Variants in GLUD1 observed in about 807,000 individuals in gnomAD.
GLUD1 encodes glutamate dehydrogenase 1, mitochondrial.
In GLUD1, 22 loss-of-function variants were observed where a neutral mutation model predicts 56.0. The observed-to-expected ratio is 0.39, with a 90% CI of 0.28 to 0.56. GLUD1 has a LOEUF of 0.56. Among genes scored for constraint, GLUD1 ranks in the 20% least tolerant of loss-of-function variants. The pLI is 0.58. For synonymous variants in GLUD1, 223 were observed against 269.9 expected, an observed-to-expected ratio of 0.83 and a Z score of 1.70; for missense variants, 451 against 732.0, an observed-to-expected ratio of 0.62 and a Z score of 4.43.
intron 1 of GLUD1, among the ~76,000 whole-genome samples, chr10:87,078,809 T>A (rs1288917430): frequency 6.6e-6 from 1 of 152,172 alleles, no homozygotes; most frequent in Non-Finnish European, 1.5e-5. Flanking sequence ...TTCTTCGAGA[T>A]AGATTGCACA....
chr10:87,069,405 C>T (rs1846163282), intron 4 of GLUD1, among the ~76,000 whole-genome samples: 10 of 151,550 alleles, frequency 6.6e-5, no homozygotes. Flanking sequence ...ATCCCAGCTA[C>T]TCCGGAGGCT....
At chr10:87,074,649 T>C (rs1239399926) in intron 3 of GLUD1, 35 bp from the exon 4 acceptor site, 1 of 1,236,230 alleles carries the variant, frequency 8.1e-7, no homozygotes, top group Non-Finnish European at 1.2e-6. Flanking sequence ...AAAGAAAAAA[T>C]TGATATAAAA....
chr10:87,057,601 T>C (rs1404171346), intron 11 of GLUD1, 90 bp downstream of exon 11: 2 of 793,544 alleles, frequency 2.5e-6, no homozygotes, highest in East Asian at 2.4e-5. Context: ...ACAAAGACTA[T>C]GCCGCAGATG....
At chr10:87,076,191 G>T (rs1846389138) in intron 2 of GLUD1, among the ~76,000 whole-genome samples, 168 bp from the exon 3 acceptor site, 1 of 152,130 alleles carries the variant, frequency 6.6e-6, no homozygotes, top group Admixed American at 6.5e-5. Flanking sequence ...ACAACATTTT[G>T]TTGAACAGAA....
chr10:87,088,036 G>A (rs547626092), intron 1 of GLUD1, among the ~76,000 whole-genome samples: 47 of 151,972 alleles, frequency 3.1e-4, no homozygotes, highest in South Asian at 2.7e-3. Context: ...AGCCAAGATC[G>A]CGCCACTGTA....
At chr10:87,062,506 AAAC>A in intron 6 of GLUD1, 147 bp downstream of exon 6, 2 of 701,956 alleles carry the variant, frequency 2.8e-6, no homozygotes, top group East Asian at 5.4e-5. Context: ...AAGGTTCAAA[AAAC>A]AAAATATCTA....
chr10:87,068,947 C>G (rs1487663840), intron 4 of GLUD1, among the ~76,000 whole-genome samples: 3 of 149,692 alleles, frequency 2.0e-5, no homozygotes, highest in African/African-American at 4.9e-5. Flanking sequence ...TAAAAACAAC[C>G]TAATTATCTT....
intron 12 of GLUD1, among the ~76,000 whole-genome samples, chr10:87,052,668 T>TAAAAAAAAA (rs1285140190): frequency 0.04 from 659 of 16,528 alleles, 27 homozygotes; most frequent in African/African-American, 0.054. Flanking sequence ...AAACTCCGTC[T>TAAAAAAAAA]CAAAAAAAAA....
chr10:87,074,504 T>G (rs756508088), intron 4 of GLUD1, 47 bp downstream of exon 4: 1 of 1,109,290 alleles, frequency 9.0e-7, no homozygotes, highest in South Asian at 1.3e-5. Context: ...AAAAAAAAAT[T>G]TTTAGATGTT....
At chr10:87,075,003 G>A (rs1000341714) in intron 3 of GLUD1, among the ~76,000 whole-genome samples, 3 of 152,178 alleles carry the variant, frequency 2.0e-5, no homozygotes, top group African/African-American at 7.2e-5. Context: ...CAATCAGTTT[G>A]AATTAACTTG....
At chr10:87,074,667 GAGATTAT>G in intron 3 of GLUD1, 53 bp from the exon 4 acceptor site, 2 of 969,632 alleles carry the variant, frequency 2.1e-6, no homozygotes, top group South Asian at 2.6e-5. Context: ...AAAATCGCTT[GAGATTAT>G]AGCTAGCATC....
intron 4 of GLUD1, among the ~76,000 whole-genome samples, chr10:87,069,484 T>C (rs533311541): frequency 1.8e-3 from 258 of 143,956 alleles, no homozygotes; most frequent in Non-Finnish European, 3.2e-3. Flanking sequence ...CAGTGCACTC[T>C]AGCCTGGGCG....
At chr10:87,086,320 G>A (rs1841380848) in intron 1 of GLUD1, among the ~76,000 whole-genome samples, 3 of 152,088 alleles carry the variant, frequency 2.0e-5, no homozygotes, top group African/African-American at 7.2e-5. Context: ...AGTCTCTCAG[G>A]CTAGAAATTT....
chr10:87,064,025 C>T (rs979220591), intron 5 of GLUD1, among the ~76,000 whole-genome samples: 2 of 152,036 alleles, frequency 1.3e-5, no homozygotes, highest in Admixed American at 1.3e-4. Flanking sequence ...CTACAGGCAC[C>T]CACCATCACG....
intron 1 of GLUD1, among the ~76,000 whole-genome samples, chr10:87,078,910 G>A (rs1841127627): frequency 6.6e-6 from 1 of 152,148 alleles, no homozygotes; most frequent in Admixed American, 6.5e-5. Flanking sequence ...AGGCTGAGGT[G>A]GGAGGATCAC....
At position 87,057,800 on chromosome 10, in the gene GLUD1, G is replaced by T. The variant is rs753000338; in HGVS notation, c.1403-18C>A. 15 of 1,084,666 alleles carry T rather than the reference G, an allele frequency of 1.4e-5. No homozygotes were observed. The Admixed American group carries it at 1.4e-4, about 10-fold the overall frequency. The allele number at this position is 1,084,666 out of a possible 1,614,324, so 67.2% of individuals were successfully genotyped here. A position where few individuals can be genotyped will look rare whatever the true frequency, so the allele number is the denominator to read the frequency against. ...AACAGACACTACAAAAAAATAACAA[G>T]AGATCAAGATATTGCTAACAGAAAA... is the stretch of plus-strand genomic sequence containing the variant. On this transcript the variant is annotated intron_variant, in intron 10 of 12. Coordinates refer to ENST00000277865, the MANE Select transcript of GLUD1 (RefSeq NM_005271.5).
intron 1 of GLUD1, among the ~76,000 whole-genome samples, chr10:87,080,071 G>A (rs1486535648): frequency 6.6e-6 from 1 of 151,804 alleles, no homozygotes; most frequent in Non-Finnish European, 1.5e-5. Context: ...CCGAGTGCCT[G>A]CGATTGCAGG....
chr10:87,056,764 T>A (rs57952888), intron 11 of GLUD1, among the ~76,000 whole-genome samples: 1 of 152,020 alleles, frequency 6.6e-6, no homozygotes, highest in African/African-American at 2.4e-5. Context: ...GTCACTAGAA[T>A]AAAGGTACAA....
Position 87,059,357 on chromosome 10 carries a change from A to G in GLUD1, c.1279-84T>C, listed in dbSNP as rs964456609. 5 of 1,289,482 alleles carry G rather than the reference A, an allele frequency of 3.9e-6. No homozygotes were observed. The Admixed American group carries it at 8.4e-5, about 22-fold the overall frequency. The allele number at this position is 1,289,482 out of a possible 1,614,324, so 79.9% of individuals were successfully genotyped here. Reference sequence around the variant, plus strand: ...ATGAACCTAAGACCTTAATTTCAATACCAAGGTAGACTGGACTTTAAATAT... The same window carrying G: ...ATGAACCTAAGACCTTAATTTCAATGCCAAGGTAGACTGGACTTTAAATAT... On this transcript the variant is annotated intron_variant, in intron 9 of 12. Coordinates refer to ENST00000277865, the MANE Select transcript of GLUD1 (RefSeq NM_005271.5).
Sources: gnomAD v4.1 joint callset for allele counts (sites outside exome capture counted in the v4.1 genomes callset) on GRCh38, gnomAD v4.1.1 for gene constraint, MANE v1.5 for transcripts, NCBI Gene and HGNC (gene_info 2026-07-23, HGNC 2026-07-21) for gene names.